The following IQSEC1 variants were observed in gnomAD, a reference collection of about 807,000 sequenced individuals.
IQSEC1 encodes the protein IQ motif and SEC7 domain-containing protein 1.
In IQSEC1, 31 loss-of-function variants were observed where a neutral mutation model predicts 91.0. The ratio of observed to expected loss-of-function variants is 0.34; its 90% CI spans 0.26 to 0.46. The LOEUF (loss-of-function observed/expected upper bound fraction) is 0.46, where lower values mean the gene tolerates loss of function less well. Among genes scored for constraint, IQSEC1 ranks in the 20% least tolerant of loss-of-function variants. The pLI, the probability that IQSEC1 is intolerant of heterozygous loss-of-function variation, is 1.00. For missense variants in IQSEC1, 1,388 were observed against 1,575.6 expected, an observed-to-expected ratio of 0.88 and a Z score of 2.02; for synonymous variants, 699 against 662.6, an observed-to-expected ratio of 1.05 and a Z score of -0.84.
chr3:13,145,734 C>A (rs1224785927), intron 2 of IQSEC1, among the ~76,000 whole-genome samples: 10 of 141,456 alleles, frequency 7.1e-5, no homozygotes, highest in Non-Finnish European at 1.2e-4. Context: ...GCCCAAAGCG[C>A]AAGGAACAGA....
intron 2 of IQSEC1, among the ~76,000 whole-genome samples, chr3:13,153,870 C>A (rs938533238): frequency 6.6e-6 from 1 of 152,156 alleles, no homozygotes; most frequent in Non-Finnish European, 1.5e-5. Context: ...GGTATTCAGG[C>A]TCCCCAGAGA....
At chr3:12,919,869 C>G (rs1449288946) in intron 6 of IQSEC1, among the ~76,000 whole-genome samples, 1 of 152,162 alleles carries the variant, frequency 6.6e-6, no homozygotes, top group Non-Finnish European at 1.5e-5. Flanking sequence ...AAGGATGCCT[C>G]GCTGCCTGTA....
At position 12,922,812 on chromosome 3, in the gene IQSEC1, C is replaced by T. The variant is rs751880804; in HGVS notation, c.1731-570G>A. On this transcript the variant is annotated intron_variant, in intron 4 of 13. Transcript: ENST00000613206. The surrounding 1 kb of genome is among the most constrained non-coding windows in gnomAD (Gnocchi z 5.1). ...CCTGGAGGGGCGGCTGATGAATGGT[C>T]TCCACATTCTTCCCATGGCCCTGCC... Among the ~76,000 whole-genome samples the T allele has an allele frequency of 1.3e-5, 2 of 152,088 alleles. No homozygotes were observed. The highest frequency in any genetic ancestry group is 4.8e-5 in the African/African-American group (2 of 41,390).
At chr3:13,098,673 T>C (rs1706005625) in intron 2 of IQSEC1, among the ~76,000 whole-genome samples, 1 of 152,110 alleles carries the variant, frequency 6.6e-6, no homozygotes, top group Non-Finnish European at 1.5e-5. Context: ...AATAACATTA[T>C]ACAATGTGAA....
intron 2 of IQSEC1, among the ~76,000 whole-genome samples, chr3:13,097,429 C>T (rs73812884): frequency 0.016 from 2,496 of 152,294 alleles, 76 homozygotes; most frequent in African/African-American, 0.056. Flanking sequence ...CCACCATAAG[C>T]CCTGCAGGTC....
chr3:12,958,342 C>A (rs1700045324), intron 1 of IQSEC1, among the ~76,000 whole-genome samples: 1 of 152,180 alleles, frequency 6.6e-6, no homozygotes, highest in African/African-American at 2.4e-5. Flanking sequence ...AGAGCTCTTC[C>A]CCGGCAACTG....
intron 2 of IQSEC1, among the ~76,000 whole-genome samples, chr3:13,104,572 C>T (rs1247562461): frequency 6.6e-6 from 1 of 152,234 alleles, no homozygotes; most frequent in African/African-American, 2.4e-5. Context: ...GGGTGCCATC[C>T]TCTTTCCCCT....
intron 1 of IQSEC1, among the ~76,000 whole-genome samples, chr3:13,184,539 CG>C (rs562538948): frequency 3.0e-4 from 46 of 152,248 alleles, no homozygotes; most frequent in Non-Finnish European, 4.9e-4. Flanking sequence ...GATCGAGAAC[CG>C]GGCCAGGACC....
In IQSEC1 at chr3:13,100,854, G is replaced by T. The variant is rs761381466; in HGVS notation, c.303-53332C>A. Among the ~76,000 whole-genome samples, 8 of 148,906 alleles carry T rather than the reference G, an allele frequency of 5.4e-5. 1 individual carries two copies. Among genetic ancestry groups the T allele is most frequent in the Non-Finnish European group, 1.2e-4 (8 of 67,180 alleles). On this transcript the variant is annotated intron_variant, in intron 2 of 15. Coordinates refer to the IQSEC1 transcript ENST00000648114. ...ACCGACAGGAAACCCATAAACAAGT[G>T]CATACAAAGGATGCTTTGAAAGGCC...
At chr3:13,092,550 C>A (rs1705881029) in intron 2 of IQSEC1, among the ~76,000 whole-genome samples, 1 of 152,082 alleles carries the variant, frequency 6.6e-6, no homozygotes, top group Non-Finnish European at 1.5e-5. Flanking sequence ...AGAGACAGGA[C>A]CCTAAGGACC....
rs571312618 is a variant in IQSEC1 at position 13,065,406 on chromosome 3, T to G, written c.23+7586A>C. 2.6e-5 allele frequency among the ~76,000 whole-genome samples: 4 copies of G among 152,336 alleles called. No homozygotes were observed. The South Asian group carries it at 6.2e-4, about 24-fold the overall frequency. On this transcript the variant is annotated intron_variant, in intron 1 of 13. Transcript: ENST00000613206. ...ATATGTGCAGCCTTTTTTTGTACCA[T>G]GTGGATGAATAATCTCTCAGTTATA...
At chr3:13,121,842 G>A (rs958071131) in intron 2 of IQSEC1, among the ~76,000 whole-genome samples, 1 of 152,208 alleles carries the variant, frequency 6.6e-6, no homozygotes, top group African/African-American at 2.4e-5. Flanking sequence ...AGACTAGGCC[G>A]CCTTGGGAGC....
intron 2 of IQSEC1, among the ~76,000 whole-genome samples, chr3:13,112,276 A>G (rs1309938565): frequency 2.6e-5 from 4 of 152,242 alleles, no homozygotes; most frequent in Non-Finnish European, 5.9e-5. Flanking sequence ...GGAGCTCTGC[A>G]GTGGACAGGG....
intron 1 of IQSEC1, among the ~76,000 whole-genome samples, chr3:12,993,209 C>T (rs1345491037): frequency 6.6e-6 from 1 of 152,214 alleles, no homozygotes; most frequent in Non-Finnish European, 1.5e-5. Context: ...CTCCCTCCAC[C>T]CCAAGACTGA....
At chr3:13,227,244 C>A (rs373965938) in intron 1 of IQSEC1, among the ~76,000 whole-genome samples, 1 of 151,652 alleles carries the variant, frequency 6.6e-6, no homozygotes, top group African/African-American at 2.4e-5. Context: ...GGCATGGTGG[C>A]GGGCGCCTAT....
chr3:13,009,719 A>G (rs893836529), intron 1 of IQSEC1, among the ~76,000 whole-genome samples: 3 of 152,076 alleles, frequency 2.0e-5, no homozygotes, highest in African/African-American at 7.2e-5. Flanking sequence ...ATTTTATCAG[A>G]TATCTTATCT....
At chr3:12,955,196 C>T (rs954877537) in intron 1 of IQSEC1, among the ~76,000 whole-genome samples, 16 of 152,234 alleles carry the variant, frequency 1.1e-4, no homozygotes, top group African/African-American at 3.6e-4. Flanking sequence ...AAAACACTGT[C>T]CTGCAGGCCT....
intron 2 of IQSEC1, among the ~76,000 whole-genome samples, chr3:13,162,582 C>T (rs1049020325): frequency 9.2e-5 from 14 of 152,208 alleles, no homozygotes; most frequent in African/African-American, 3.4e-4. Context: ...TCTGAAGGGA[C>T]CATTTTAAGA....
intron 1 of IQSEC1, among the ~76,000 whole-genome samples, chr3:13,225,331 A>G (rs1279165074): frequency 6.6e-6 from 1 of 152,222 alleles, no homozygotes; most frequent in Non-Finnish European, 1.5e-5. Context: ...ATAACACTAA[A>G]TGTGTGTTTA....
Sources: gnomAD v4.1 joint callset for allele counts (sites outside exome capture counted in the v4.1 genomes callset) on GRCh38, gnomAD v4.1.1 for gene constraint, Gnocchi (gnomAD v3.1) non-coding constraint, MANE v1.5 for transcripts, NCBI Gene and HGNC (gene_info 2026-07-23, HGNC 2026-07-21) for gene names.